Variants in MYCBP2 observed in about 807,000 individuals in gnomAD.
The protein encoded by MYCBP2 is E3 ubiquitin-protein ligase MYCBP2.
In MYCBP2, 120 loss-of-function variants were observed where a neutral mutation model predicts 525.3. The observed-to-expected ratio is 0.23, with a 90% CI of 0.20 to 0.27. MYCBP2 has a LOEUF of 0.27. MYCBP2 is among the 10% of genes least tolerant of loss of function. MYCBP2 has a pLI of 1.00. For synonymous variants in MYCBP2, 1,894 were observed against 1,955.8 expected (o/e 0.97, Z 0.83); for missense variants, 4,149 against 5,657.1 (o/e 0.73, Z 8.55).
At chr13:77,280,783 A>G (rs756220803) in intron 3 of MYCBP2, among the ~76,000 whole-genome samples, 1 of 152,214 alleles carries the variant, frequency 6.6e-6, no homozygotes, top group Non-Finnish European at 1.5e-5. Flanking sequence ...AGACTGGCCC[A>G]TAAAACTTTG....
chr13:77,326,585 T>C lies in MYCBP2; in HGVS notation c.191A>G (p.Tyr64Cys), dbSNP rs1170833168. The C allele has an allele frequency of 1.9e-6, 3 of 1,595,458 alleles. No homozygotes were observed. The highest frequency in any genetic ancestry group is 2.6e-6 in the Non-Finnish European group (3 of 1,172,296). Residue 64 changes from tyrosine to cysteine, a missense_variant, in exon 1 of 83, where the codon TAC (tyrosine) becomes TGC (cysteine). By Grantham distance (194) the Tyr-to-Cys change is radical (BLOSUM62 -2). Transcript: ENST00000544440. The surrounding 1 kb of genome is among the most constrained non-coding windows in gnomAD (Gnocchi z 4.2). ...GGCCCGGCCTGACAGCAGCAGCTGG[T>C]AGTGACCCCGGGAGTCCGCGGCGGG... is the stretch of plus-strand genomic sequence containing the variant. ...GLPAADSRGH[Y>C]QLLLSGRALA... is the part of the protein sequence containing the mutation.
At chr13:77,050,933 T>C (rs2036674945) in intron 82 of MYCBP2, 64 bp downstream of exon 82, 5 of 1,375,754 alleles carry the variant, frequency 3.6e-6, no homozygotes, top group South Asian at 2.7e-5. Context: ...AGCTTTCATA[T>C]AATGTTTACA....
chr13:77,107,831 C>G (rs1443956755), intron 55 of MYCBP2, among the ~76,000 whole-genome samples: 1 of 152,132 alleles, frequency 6.6e-6, no homozygotes, highest in Non-Finnish European at 1.5e-5. Flanking sequence ...TCTTGACTGA[C>G]AGCTTTAGAT....
chr13:77,106,544 T>A (rs978341902), intron 55 of MYCBP2, among the ~76,000 whole-genome samples: 12 of 151,944 alleles, frequency 7.9e-5, no homozygotes, highest in African/African-American at 1.7e-4. Context: ...ATAAAAAAAA[T>A]TTTTTTCAAA....
chr13:77,140,961 GAACTGT>G lies in MYCBP2; in HGVS notation c.7304-24_7304-19del, dbSNP rs2054514289. The G allele has an allele frequency of 4.5e-6, 7 of 1,543,218 alleles. No homozygotes were observed. Among genetic ancestry groups the G allele is most frequent in the Non-Finnish European group, 6.2e-6 (7 of 1,129,206 alleles). On this transcript the variant is annotated intron_variant, in intron 49 of 82. Coordinates refer to ENST00000544440, the MANE Select transcript of MYCBP2 (RefSeq NM_015057.5). ...ACCAGCATCTGTCAGAAAAATCAGA[GAACTGT>G]AACATTTGAGAAAAAAAGAGAAGGA...
chr13:77,083,263 T>G (rs9573995), intron 62 of MYCBP2, 71 bp from the exon 63 acceptor site: 4 of 1,348,540 alleles, frequency 3.0e-6, no homozygotes, highest in Admixed American at 2.3e-5. Flanking sequence ...AAGACTATTA[T>G]GTATACTTAA....
chr13:77,086,018 A>C (rs1022593508), intron 62 of MYCBP2, among the ~76,000 whole-genome samples: 6 of 152,142 alleles, frequency 3.9e-5, no homozygotes, highest in Non-Finnish European at 4.4e-5. Context: ...TATTAGGTAG[A>C]TACATATCCA....
At chr13:77,293,145 A>C (rs2077675643) in intron 2 of MYCBP2, among the ~76,000 whole-genome samples, 1 of 152,086 alleles carries the variant, frequency 6.6e-6, no homozygotes, top group Non-Finnish European at 1.5e-5. Flanking sequence ...CGCATTTGGG[A>C]TTAGGAAGTT....
chr13:77,273,176 A>C (rs1489701920), intron 5 of MYCBP2, among the ~76,000 whole-genome samples: 1 of 152,232 alleles, frequency 6.6e-6, no homozygotes, highest in Non-Finnish European at 1.5e-5. Context: ...GATGGGAAGA[A>C]GGGAGAACGC....
At chr13:77,129,348 T>C (rs2052310545) in intron 52 of MYCBP2, 1 of 388,526 alleles carries the variant, frequency 2.6e-6, no homozygotes, top group Non-Finnish European at 4.6e-6. Flanking sequence ...AACATGGAAA[T>C]ATTATTTTAC....
chr13:77,268,018 A>T, intron 7 of MYCBP2, 81 bp from the exon 8 acceptor site: 1 of 761,446 alleles, frequency 1.3e-6, no homozygotes, highest in Non-Finnish European at 2.2e-6. Flanking sequence ...TCCATATTAC[A>T]GGTTTTTGAG....
chr13:77,062,287 G>A (rs112546069), intron 74 of MYCBP2, among the ~76,000 whole-genome samples: 106 of 152,186 alleles, frequency 7.0e-4, no homozygotes, highest in African/African-American at 2.2e-3. Flanking sequence ...TTACATTTTA[G>A]TAAAATATCT....
chr13:77,242,848 A>G (rs563005652), intron 17 of MYCBP2, among the ~76,000 whole-genome samples: 1 of 152,362 alleles, frequency 6.6e-6, no homozygotes, highest in African/African-American at 2.4e-5. Context: ...AAAGTATGTT[A>G]TTAGCACAAT....
intron 32 of MYCBP2, 96 bp downstream of exon 32, chr13:77,185,007 A>G (rs1332187741): frequency 8.7e-7 from 1 of 1,145,888 alleles, no homozygotes; most frequent in Non-Finnish European, 1.2e-6. Context: ...TATCTTTTAT[A>G]CAAGTTAAGA....
intron 15 of MYCBP2, among the ~76,000 whole-genome samples, chr13:77,247,044 T>C (rs1240801380): frequency 1.3e-5 from 2 of 152,140 alleles, no homozygotes; most frequent in Non-Finnish European, 2.9e-5. Flanking sequence ...TTCCTCGTAA[T>C]ATCAGGAAGA....
chr13:77,190,323 C>A lies in MYCBP2; in HGVS notation c.4083G>T (p.Gln1361His). The A allele has an allele frequency of 6.2e-7, 1 of 1,605,868 alleles. No homozygotes were observed. The change falls in exon 29 of 83, where the codon CAG becomes CAT. Residue 1361 changes from glutamine (Q) to histidine (H), a missense_variant. Coordinates refer to ENST00000544440, the MANE Select transcript of MYCBP2 (RefSeq NM_015057.5). ...SITTDDGVVF[Q>H]FKSSKKSNNG... Reference sequence around the variant, plus strand: ...TATTTGATTTCTTTGAACTCTTGAACTGGAAAACAACCCTAAGAAGAGAAA... The same window carrying A: ...TATTTGATTTCTTTGAACTCTTGAAATGGAAAACAACCCTAAGAAGAGAAA...
At chr13:77,169,830 C>A in intron 38 of MYCBP2, 116 bp from the exon 39 acceptor site, 1 of 824,174 alleles carries the variant, frequency 1.2e-6, no homozygotes, top group Non-Finnish European at 2.0e-6. Flanking sequence ...TAGTTGACAC[C>A]AATTGGGTGC....
At chr13:77,103,706 T>C (rs1375301694) in intron 55 of MYCBP2, among the ~76,000 whole-genome samples, 9 of 152,036 alleles carry the variant, frequency 5.9e-5, no homozygotes, top group Admixed American at 4.6e-4. Flanking sequence ...TTATATTACT[T>C]ATATTACTCA....
intron 54 of MYCBP2, among the ~76,000 whole-genome samples, chr13:77,124,235 C>G (rs1363541301): frequency 6.6e-6 from 1 of 152,012 alleles, no homozygotes; most frequent in Non-Finnish European, 1.5e-5. Flanking sequence ...GAGTTTCCTA[C>G]CTATAAATTT....
Sources: gnomAD v4.1 joint callset for allele counts (sites outside exome capture counted in the v4.1 genomes callset) on GRCh38, gnomAD v4.1.1 for gene constraint, Gnocchi (gnomAD v3.1) non-coding constraint, MANE v1.5 for transcripts, NCBI Gene and HGNC (gene_info 2026-07-23, HGNC 2026-07-21) for gene names.